SLC14A2: variants seen among roughly 807,000 people sequenced by gnomAD.
The protein encoded by SLC14A2 is solute carrier family 14 member 2.
A neutral mutation model predicts 104.6 loss-of-function variants in SLC14A2; 91 were observed. The observed-to-expected ratio is 0.87, with a 90% CI of 0.73 to 1.04. The LOEUF is 1.04. SLC14A2 is among the 50% of genes least tolerant of loss of function. The pLI, the probability that SLC14A2 is intolerant of heterozygous loss-of-function variation, is 0.00. For missense variants in SLC14A2, 1,189 were observed against 1,156.0 expected (o/e 1.03, Z -0.41); for synonymous variants, 476 against 466.4 (o/e 1.02, Z -0.27).
chr18:45,275,791 T>G (rs1036609777), intron 1 of SLC14A2, among the ~76,000 whole-genome samples: 1 of 152,242 alleles, frequency 6.6e-6, no homozygotes, highest in Non-Finnish European at 1.5e-5. Context: ...GTTTACTATT[T>G]GGAGATCAAA....
chr18:45,300,499 C>T (rs1211001271), intron 1 of SLC14A2, among the ~76,000 whole-genome samples: 1 of 151,360 alleles, frequency 6.6e-6, no homozygotes, highest in Non-Finnish European at 1.5e-5. Flanking sequence ...AAACTAATGA[C>T]AATCCTGACT....
In SLC14A2 at chr18:45,682,495, G is replaced by T. The variant is rs764694161; in HGVS notation, c.2739G>T (p.Lys913Asn). The T allele has an allele frequency of 3.7e-6, 6 of 1,614,122 alleles. No individual in the cohort carries two copies. Among genetic ancestry groups the T allele is most frequent in the Non-Finnish European group, 5.1e-6 (6 of 1,179,970 alleles). ...ACAGAAGGGCATCAATCATAACAAA[G>T]TATCAGGCCTACGATGTCTCCTAAG... is the stretch of plus-strand genomic sequence containing the variant. ...ERNRRASIIT[K>N]YQAYDVS Residue 913 changes from lysine to asparagine, a missense_variant, in exon 20 of 20, where the codon AAG becomes AAT. Transcript: ENST00000255226.
intron 1 of SLC14A2, among the ~76,000 whole-genome samples, chr18:45,232,737 A>G (rs1411668670): frequency 6.6e-6 from 1 of 152,252 alleles, no homozygotes; most frequent in East Asian, 1.9e-4. Flanking sequence ...TGGTTAAGTC[A>G]CAAGGGCTTT....
chr18:45,549,862 T>G (rs1451357748), intron 2 of SLC14A2: 1 of 152,220 alleles, frequency 6.6e-6, no homozygotes, highest in Non-Finnish European at 1.5e-5. Context: ...TTCCCTATTT[T>G]TTAGGTGACA....
rs997451045 is a variant in SLC14A2 at position 45,682,672 on chromosome 18, C to T, written c.*153C>T. The stretch of plus-strand genomic sequence containing the variant: ...GTGTATGTAGTCACCATTCCAGAAC[C>T]TCTCTTTTCTAAGATGCACAACACT... On this transcript the variant is annotated 3_prime_UTR_variant, in exon 20 of 20. Coordinates refer to ENST00000255226, the MANE Select transcript of SLC14A2 (RefSeq NM_007163.4). 5 of 648,920 alleles carry T rather than the reference C, an allele frequency of 7.7e-6. No homozygotes were observed. The highest frequency in any genetic ancestry group is 1.4e-5 in the Non-Finnish European group (5 of 358,900). 40.2% of individuals were successfully genotyped at this position (648,920 alleles called of 1,614,324 possible). A position where few individuals can be genotyped will look rare whatever the true frequency, so the allele number is the denominator to read the frequency against.
chr18:45,219,954 T>A (rs918424138), intron 1 of SLC14A2, among the ~76,000 whole-genome samples: 1 of 152,214 alleles, frequency 6.6e-6, no homozygotes, highest in African/African-American at 2.4e-5. Context: ...GTAGTCCACA[T>A]GGCCGATACT....
At chr18:45,423,272 A>G (rs906850230) in intron 1 of SLC14A2, among the ~76,000 whole-genome samples, 1 of 152,204 alleles carries the variant, frequency 6.6e-6, no homozygotes, top group Non-Finnish European at 1.5e-5. Context: ...TCAAGATGCT[A>G]TATTATCATA....
intron 1 of SLC14A2, chr18:45,440,493 C>T (rs1598818130): frequency 6.6e-6 from 1 of 152,212 alleles, no homozygotes; most frequent in East Asian, 1.9e-4. Context: ...GACCACATGT[C>T]CACATCAGCA....
In SLC14A2 at chr18:45,667,981, C is replaced by G. The variant is rs772460553; in HGVS notation, c.1866C>G (p.Thr622=). 1 of 1,614,112 alleles carries G rather than the reference C, an allele frequency of 6.2e-7. No individual in the cohort carries two copies. ...GGGCGATCTCAGGCTGCCTGGGTAC[C>G]ATCATGTCCACCTTGACAGCCCTCA... ...PWWAISGCLG[T]IMSTLTALIL... is the part of the protein sequence containing the mutation. The change falls in exon 14 of 20, where the codon ACC becomes ACG. Residue 622 remains threonine, a synonymous_variant. Transcript: ENST00000255226.
intron 1 of SLC14A2, among the ~76,000 whole-genome samples, chr18:45,342,646 GATA>G: frequency 6.6e-6 from 1 of 152,342 alleles, no homozygotes; most frequent in East Asian, 1.9e-4. Flanking sequence ...CTTGCAGAAA[GATA>G]ATGTTTGTTT....
intron 2 of SLC14A2, among the ~76,000 whole-genome samples, chr18:45,606,753 CAAAAACAAAAAAAAA>C (rs2044878499): frequency 1.8e-4 from 3 of 16,416 alleles, no homozygotes; most frequent in Non-Finnish European, 1.3e-4. Context: ...AAAAACAAAA[CAAAAACAAAAAAAAA>C]AAACACTGGC....
intron 2 of SLC14A2, among the ~76,000 whole-genome samples, chr18:45,596,056 T>C (rs62090571): frequency 0.032 from 4,816 of 152,284 alleles, 134 homozygotes; most frequent in Middle Eastern, 0.095. Context: ...GGAAAGCATC[T>C]GTTCCATAAA....
chr18:45,623,537 G>T (rs1328976879), intron 1 of SLC14A2, among the ~76,000 whole-genome samples: 2 of 152,204 alleles, frequency 1.3e-5, no homozygotes, highest in Non-Finnish European at 2.9e-5. Context: ...GGTGAGTGGT[G>T]CTCAGAAGAA....
At chr18:45,624,394 C>T (rs2045225599) in intron 1 of SLC14A2, among the ~76,000 whole-genome samples, 1 of 152,212 alleles carries the variant, frequency 6.6e-6, no homozygotes, top group Non-Finnish European at 1.5e-5. Flanking sequence ...CATTCTGACT[C>T]AGTGGTCAGG....
chr18:45,648,427 G>C (rs59756331), intron 10 of SLC14A2, among the ~76,000 whole-genome samples: 6 of 151,788 alleles, frequency 4.0e-5, no homozygotes, highest in Non-Finnish European at 7.4e-5. Context: ...GGATGGTCTC[G>C]ATCTCCTGAC....
Position 45,672,921 on chromosome 18 carries a change from G to A in SLC14A2, c.2251G>A (p.Gly751Arg), listed in dbSNP as rs2144649573. 1 of 1,613,862 alleles carries A rather than the reference G, an allele frequency of 6.2e-7. No homozygotes were observed. The highest frequency in any genetic ancestry group is 8.5e-7 in the Non-Finnish European group (1 of 1,179,900). The change falls in exon 17 of 20, where the codon GGA becomes AGA. Residue 751 changes from glycine to arginine, a missense_variant. Physicochemically the swap from Gly to Arg is moderately radical, Grantham distance 125. Transcript: ENST00000255226. ...VPLLLRAIPV[G>R]IGQVYGCDNP... ...ACAGCTTTTGAGAGCCATCCCCGTT[G>A]GAATTGGCCAAGTGTACGGCTGTGA...
At chr18:45,555,388 TTTGAC>T (rs2044118003) in intron 2 of SLC14A2, among the ~76,000 whole-genome samples, 1 of 152,226 alleles carries the variant, frequency 6.6e-6, no homozygotes, top group Admixed American at 6.5e-5. Context: ...CAGTACACTC[TTTGAC>T]TTAAGATGGG....
chr18:45,611,945 A>C (rs2044979615), upstream of SLC14A2, among the ~76,000 whole-genome samples: 1 of 152,222 alleles, frequency 6.6e-6, no homozygotes, highest in Admixed American at 6.5e-5. Context: ...AGAATTTGTA[A>C]AGTTCATAGT....
At chr18:45,611,147 A>C (rs113381295), upstream of SLC14A2, among the ~76,000 whole-genome samples, 199 of 152,196 alleles carry the variant, frequency 1.3e-3, no homozygotes, top group African/African-American at 4.5e-3. Context: ...GCCTCCTCCC[A>C]TTCCAAACAC....
Sources: allele counts gnomAD v4.1 joint callset (sites outside exome capture counted in the v4.1 genomes callset), GRCh38; gene constraint gnomAD v4.1.1; transcripts MANE v1.5; gene names NCBI Gene and HGNC (gene_info 2026-07-23, HGNC 2026-07-21).